RSRC2: variants seen among roughly 807,000 people sequenced by gnomAD.
RSRC2 encodes arginine and serine rich coiled-coil 2.
Under a neutral mutation model 61.3 loss-of-function variants are expected in RSRC2, and 5 were observed. The ratio of observed to expected loss-of-function variants is 0.08; its 90% CI spans 0.04 to 0.17. The LOEUF (loss-of-function observed/expected upper bound fraction) is 0.17, where lower values mean the gene tolerates loss of function less well. Among genes scored for constraint, RSRC2 ranks in the 10% least tolerant of loss-of-function variants. RSRC2 has a pLI of 1.00. For missense variants in RSRC2, 381 were observed against 518.8 expected, an observed-to-expected ratio of 0.73 and a Z score of 2.58; for synonymous variants, 202 against 166.5, an observed-to-expected ratio of 1.21 and a Z score of -1.64.
intron 6 of RSRC2, among the ~76,000 whole-genome samples, chr12:122,513,194 CAAAA>C (rs1958650924): frequency 8.3e-6 from 1 of 120,054 alleles, no homozygotes; most frequent in African/African-American, 3.3e-5. Context: ...GACTCCGTCT[CAAAA>C]ATAAATAAAT....
chr12:122,520,474 G>A (rs977277164), intron 3 of RSRC2: 3 of 1,172,694 alleles, frequency 2.6e-6, no homozygotes, highest in Admixed American at 3.8e-5. Flanking sequence ...ATATTTAAGG[G>A]AAATAGGAGT....
At chr12:122,514,078 A>G (rs886773878) in intron 6 of RSRC2, among the ~76,000 whole-genome samples, 4 of 152,092 alleles carry the variant, frequency 2.6e-5, no homozygotes, top group African/African-American at 7.2e-5. Flanking sequence ...TCAAAACCTA[A>G]AAAGTCTATT....
At chr12:122,521,341 T>G (rs773920814) in intron 3 of RSRC2, 44 bp downstream of exon 3, 77 of 1,454,138 alleles carry the variant, frequency 5.3e-5, no homozygotes, top group Non-Finnish European at 1.2e-5. Flanking sequence ...CCAGACACTT[T>G]ATAAGTATTT....
chr12:122,515,080 CAAAT>C, intron 6 of RSRC2, 21 bp downstream of exon 6: 2 of 1,603,256 alleles, frequency 1.2e-6, no homozygotes, highest in Non-Finnish European at 1.7e-6. Flanking sequence ...CGAACTGGAA[CAAAT>C]GAATTAAGAA....
At chr12:122,523,610 GAATA>G (rs1396239514) in intron 1 of RSRC2, 2 of 152,210 alleles carry the variant, frequency 1.3e-5, no homozygotes, top group Non-Finnish European at 2.9e-5. Context: ...AATCTGGATT[GAATA>G]AATAGGGAAT....
intron 7 of RSRC2, among the ~76,000 whole-genome samples, chr12:122,509,579 GAC>G (rs1392072890): frequency 2.6e-5 from 4 of 151,956 alleles, no homozygotes; most frequent in Non-Finnish European, 5.9e-5. Flanking sequence ...TGTAAAAAAA[GAC>G]ACCTCTGATT....
intron 5 of RSRC2, 64 bp from the exon 6 acceptor site, chr12:122,515,291 A>G (rs1163120846): frequency 5.3e-6 from 8 of 1,519,790 alleles, no homozygotes; most frequent in Non-Finnish European, 7.2e-6. Context: ...GTTAATAAGA[A>G]ATCAATTAGT....
intron 6 of RSRC2, among the ~76,000 whole-genome samples, chr12:122,514,268 G>GTTTT (rs1375191873): frequency 2.9e-5 from 4 of 136,066 alleles, no homozygotes; most frequent in Non-Finnish European, 4.6e-5. Context: ...GTGTGTGTGT[G>GTTTT]TGTTTTTTTT....
At chr12:122,526,633 A>G (rs552305285) in intron 1 of RSRC2, among the ~76,000 whole-genome samples, 9 of 151,980 alleles carry the variant, frequency 5.9e-5, no homozygotes, top group Non-Finnish European at 1.3e-4. Flanking sequence ...AAGTTCTGGA[A>G]AAAAAAAGGC....
intron 6 of RSRC2, among the ~76,000 whole-genome samples, chr12:122,512,665 G>C (rs950686517): frequency 6.6e-6 from 1 of 151,302 alleles, no homozygotes; most frequent in Non-Finnish European, 1.5e-5. Flanking sequence ...CCAGGAGGCA[G>C]GGGTTGCAGT....
At chr12:122,514,866 A>C in intron 6 of RSRC2, 1 of 692,436 alleles carries the variant, frequency 1.4e-6, no homozygotes, top group Non-Finnish European at 2.1e-6. Flanking sequence ...TAAATTTGAG[A>C]AAAATGAAAT....
At chr12:122,505,753 A>G (rs1958072160) in intron 9 of RSRC2, 47 bp from the exon 10 acceptor site, 4 of 1,484,850 alleles carry the variant, frequency 2.7e-6, no homozygotes, top group Non-Finnish European at 3.7e-6. Context: ...ATGGAGATAA[A>G]TATTCTCTCA....
chr12:122,507,088 C>A, intron 8 of RSRC2, 165 bp from the exon 9 acceptor site: 1 of 652,038 alleles, frequency 1.5e-6, no homozygotes, highest in Non-Finnish European at 2.7e-6. Context: ...CAAAGAAATA[C>A]AAGCAAGAGG....
At position 122,508,310 on chromosome 12, in the gene RSRC2, G is replaced by T; in HGVS notation, c.943C>A (p.Pro315Thr). The T allele has an allele frequency of 6.2e-7, 1 of 1,614,112 alleles. No homozygotes were observed. The highest frequency in any genetic ancestry group is 8.5e-7 in the Non-Finnish European group (1 of 1,180,022). The change falls in exon 8 of 10, where the codon CCT (proline) becomes ACT (threonine). Residue 315 changes from proline (P) to threonine (T), a missense_variant. By Grantham distance (38) the Pro-to-Thr change is conservative. Around this residue, in one of 4 missense-constraint regions of RSRC2, gnomAD observed 78 missense variants for 183.0 expected, o/e 0.43. Transcript: ENST00000331738. ...KALAETGIAV[P>T]SYYNPAAVNP... ...ACAGCGGCTGGGTTATAGTAGCTAG[G>T]AACAGCTATTCCTGTCTCTGCCAAA...
In RSRC2 at chr12:122,514,104, A is replaced by G. The variant is rs181821879; in HGVS notation, c.725+1001T>C. On this transcript the variant is annotated intron_variant, in intron 6 of 9. Transcript: ENST00000331738. ...AAAGTCTATTTTTCAAAATATGGGAAATACTGCAAACAAGTGCTTGGATTT... is the reference window on the plus strand; with the variant it reads ...AAAGTCTATTTTTCAAAATATGGGAGATACTGCAAACAAGTGCTTGGATTT... Among the ~76,000 whole-genome samples the G allele has an allele frequency of 9.2e-5, 14 of 152,308 alleles. No homozygotes were observed. In the East Asian group the frequency reaches 2.3e-3, roughly 25 times the overall value.
chr12:122,509,240 A>T (rs973565989), intron 7 of RSRC2, among the ~76,000 whole-genome samples: 2 of 151,928 alleles, frequency 1.3e-5, no homozygotes, highest in South Asian at 4.1e-4. Flanking sequence ...CAAGGTCAGG[A>T]GTTCGAGACC....
chr12:122,518,763 T>C (rs865937422), intron 4 of RSRC2, 76 bp downstream of exon 4: 8 of 1,120,382 alleles, frequency 7.1e-6, no homozygotes, highest in Middle Eastern at 2.0e-4. Context: ...TATGATTTTT[T>C]TGGGTGTTGC....
rs138809521 is a variant in RSRC2, at chr12:122,522,418, T to A, written c.7-119A>T. ...CCCACAATCAATAAATCAGAATGCC[T>A]GCTTTCCAAGTAACTAAATGTGCTT... On this transcript the variant is annotated intron_variant, in intron 1 of 9. Coordinates refer to ENST00000331738, the MANE Select transcript of RSRC2 (RefSeq NM_023012.6). 1.8e-4 allele frequency: 180 copies of A among 976,236 alleles called. 1 individual carries two copies. In the African/African-American group the frequency reaches 2.3e-3, roughly 12 times the overall value. 60.5% of individuals were successfully genotyped at this position (976,236 alleles called of 1,614,324 possible).
At chr12:122,525,812 T>TAAA (rs1565912197) in intron 1 of RSRC2, among the ~76,000 whole-genome samples, 1 of 6,340 alleles carries the variant, frequency 1.6e-4, no homozygotes, top group African/African-American at 2.6e-3. Flanking sequence ...TTTTTTTTTT[T>TAAA]TTTTTTTTTT....
Sources: gnomAD v4.1 joint callset for allele counts (sites outside exome capture counted in the v4.1 genomes callset) on GRCh38, gnomAD v4.1.1 for gene constraint, gnomAD v4.1.1 regional missense constraint, MANE v1.5 for transcripts, NCBI Gene and HGNC (gene_info 2026-07-23, HGNC 2026-07-21) for gene names.